Variants in SAMSN1 observed in about 807,000 individuals in gnomAD.
SAMSN1 encodes SAM domain-containing protein SAMSN-1.
Under a neutral mutation model 42.0 loss-of-function variants are expected in SAMSN1, and 31 were observed. The ratio of observed to expected loss-of-function variants is 0.74; its 90% CI spans 0.55 to 1.00. The LOEUF is 1.00. Among genes scored for constraint, SAMSN1 ranks in the 50% least tolerant of loss-of-function variants. The probability of loss-of-function intolerance (pLI) is 0.00; values close to 1 mark genes in which losing one functional copy is unlikely to be tolerated. For synonymous variants in SAMSN1, 178 were observed against 151.9 expected (o/e 1.17, Z -1.26); for missense variants, 464 against 439.4 (o/e 1.06, Z -0.50).
intron 2 of SAMSN1, among the ~76,000 whole-genome samples, chr21:14,637,304 G>T (rs1983492539): frequency 6.6e-6 from 1 of 152,110 alleles, no homozygotes; most frequent in Non-Finnish European, 1.5e-5. Context: ...ATTTCAAAGT[G>T]TTAGTTTAGA....
chr21:14,491,983 C>T (rs985395030), intron 7 of SAMSN1, among the ~76,000 whole-genome samples: 5 of 141,000 alleles, frequency 3.5e-5, no homozygotes, highest in South Asian at 2.5e-4. Context: ...GTAAACAGCA[C>T]GCTATATCAT....
Position 14,640,654 on chromosome 21 carries a change from C to A in SAMSN1, c.156+2348G>T, listed in dbSNP as rs571482396. ...ACTAAGAAAGCAGGTACTTAAAATA[C>A]CTTGATTTAATTATTTAAAAAATTA... is the stretch of plus-strand genomic sequence containing the variant. On this transcript the variant is annotated intron_variant, in intron 2 of 15. Coordinates refer to the SAMSN1 transcript ENST00000647101. Among the ~76,000 whole-genome samples, 134 of 82,690 alleles carry A rather than the reference C, an allele frequency of 1.6e-3. No homozygotes were observed. In the East Asian group the frequency reaches 0.038, roughly 23 times the overall value. The allele number at this position is 82,690 out of a possible 152,430, so 54.2% of individuals were successfully genotyped here.
chr21:14,602,728 C>T (rs1261150892), intron 5 of SAMSN1, among the ~76,000 whole-genome samples: 1 of 152,186 alleles, frequency 6.6e-6, no homozygotes, highest in Non-Finnish European at 1.5e-5. Flanking sequence ...ATCCAAGCCT[C>T]TTATTTTACA....
At chr21:14,493,739 C>T (rs1275677785) in intron 7 of SAMSN1, among the ~76,000 whole-genome samples, 1 of 152,148 alleles carries the variant, frequency 6.6e-6, no homozygotes, top group African/African-American at 2.4e-5. Context: ...TCTCTTGTCC[C>T]TTCAAGAGCT....
At chr21:14,506,662 A>G (rs2123708699) in intron 5 of SAMSN1, among the ~76,000 whole-genome samples, 1 of 152,308 alleles carries the variant, frequency 6.6e-6, no homozygotes, top group East Asian at 1.9e-4. Context: ...CACAAGATAG[A>G]GAAAGAAGGA....
chr21:14,516,893 T>G lies in SAMSN1; in HGVS notation c.278A>C (p.Lys93Thr). 5 of 1,599,370 alleles carry G rather than the reference T, an allele frequency of 3.1e-6. No homozygotes were observed. The South Asian group carries it at 5.7e-5, about 18-fold the overall frequency. Residue 93 changes from lysine (K) to threonine (T), a missense_variant and splice_region_variant, in exon 3 of 8, where the codon AAG (lysine) becomes ACG (threonine). Transcript: ENST00000400566. The part of the protein sequence containing the change: ...KKYIKALSEE[K>T]DEEDGENAHP... ...AAATGATTATCAGAGAATATTTACC[T>G]TTTCCTCAGAAAGGGCTTTGATGTA...
chr21:14,625,585 C>G (rs996375115), intron 2 of SAMSN1, among the ~76,000 whole-genome samples: 1 of 152,116 alleles, frequency 6.6e-6, no homozygotes, highest in African/African-American at 2.4e-5. Context: ...TGTGAAAGAC[C>G]TCTTCAAGGA....
intron 7 of SAMSN1, among the ~76,000 whole-genome samples, chr21:14,490,718 A>G (rs1986647063): frequency 1.3e-5 from 2 of 152,224 alleles, no homozygotes; most frequent in South Asian, 4.1e-4. Context: ...TAGGAAAATA[A>G]CTGGTGGCTT....
chr21:14,519,052 A>G (rs1988041134), intron 2 of SAMSN1, among the ~76,000 whole-genome samples: 1 of 152,114 alleles, frequency 6.6e-6, no homozygotes. Context: ...ATGTCTTTTG[A>G]GTGTTAACAT....
rs1292387350 is a variant in SAMSN1 at position 14,644,219 on chromosome 21, C to T, written c.25-1086G>A. ...CCAAGGGAGTGCAGGCATCACCCTG[C>T]CCCTAACCCTAGGCTGCATATCTTG... On this transcript the variant is annotated intron_variant, in intron 1 of 15. Coordinates refer to the SAMSN1 transcript ENST00000647101. Among the ~76,000 whole-genome samples the T allele has an allele frequency of 2.0e-5, 3 of 152,058 alleles. No homozygotes were observed. In the East Asian group the frequency reaches 5.8e-4, roughly 29 times the overall value.
At chr21:14,598,559 C>T (rs560644621) in intron 6 of SAMSN1, among the ~76,000 whole-genome samples, 5 of 152,262 alleles carry the variant, frequency 3.3e-5, no homozygotes, top group East Asian at 3.9e-4. Flanking sequence ...AAGTTTATCC[C>T]GGGCTAACTA....
chr21:14,578,350 A>G (rs777601521), intron 2 of SAMSN1, among the ~76,000 whole-genome samples: 8 of 152,124 alleles, frequency 5.3e-5, no homozygotes, highest in Non-Finnish European at 1.0e-4. Context: ...GGGAGGCTAC[A>G]GTGGGCTTAG....
chr21:14,606,073 C>T (rs1399046997), intron 5 of SAMSN1, among the ~76,000 whole-genome samples: 1 of 152,064 alleles, frequency 6.6e-6, no homozygotes, highest in South Asian at 2.1e-4. Flanking sequence ...ATCTCCTGAC[C>T]TCATGATCCG....
At chr21:14,526,115 G>A (rs367729415) in intron 1 of SAMSN1, among the ~76,000 whole-genome samples, 1 of 152,228 alleles carries the variant, frequency 6.6e-6, no homozygotes, top group African/African-American at 2.4e-5. Context: ...CAATTCGCCC[G>A]CCTTGGCCTC....
chr21:14,490,916 G>C (rs549628713), intron 7 of SAMSN1, among the ~76,000 whole-genome samples: 1 of 152,250 alleles, frequency 6.6e-6, no homozygotes, highest in South Asian at 2.1e-4. Context: ...ACTCACTCAA[G>C]ATCACGATAA....
chr21:14,531,012 A>G (rs1555833604), intron 1 of SAMSN1, among the ~76,000 whole-genome samples: 1 of 152,062 alleles, frequency 6.6e-6, no homozygotes, highest in Non-Finnish European at 1.5e-5. Flanking sequence ...TATTTTAACT[A>G]GTCACATCAT....
At chr21:14,577,534 C>T (rs977506852) in intron 2 of SAMSN1, among the ~76,000 whole-genome samples, 2 of 151,918 alleles carry the variant, frequency 1.3e-5, no homozygotes, top group African/African-American at 4.8e-5. Flanking sequence ...GTCTCCTTCA[C>T]AGCCCACAAA....
chr21:14,535,692 A>G (rs1408498445), intron 1 of SAMSN1, among the ~76,000 whole-genome samples: 1 of 152,226 alleles, frequency 6.6e-6, no homozygotes, highest in Non-Finnish European at 1.5e-5. Context: ...ATGTTTGGAC[A>G]CACAGAGAGA....
intron 2 of SAMSN1, among the ~76,000 whole-genome samples, chr21:14,568,706 A>G (rs1025370728): frequency 1.3e-5 from 2 of 151,780 alleles, no homozygotes; most frequent in Non-Finnish European, 2.9e-5. Context: ...TTCCCTCCCA[A>G]GGGAAGCCTA....
Sources: allele counts gnomAD v4.1 joint callset (sites outside exome capture counted in the v4.1 genomes callset), GRCh38; gene constraint gnomAD v4.1.1; transcripts MANE v1.5; gene names NCBI Gene and HGNC (gene_info 2026-07-23, HGNC 2026-07-21).